The following LINGO2 variants were observed in gnomAD, a reference collection of about 807,000 sequenced individuals.
LINGO2 encodes leucine-rich repeat and immunoglobulin-like domain-containing nogo receptor-interacting protein 2.
In LINGO2, 14 loss-of-function variants were observed where a neutral mutation model predicts 30.6. The ratio of observed to expected loss-of-function variants is 0.46; its 90% CI spans 0.30 to 0.72. The LOEUF (loss-of-function observed/expected upper bound fraction) is 0.72. Ranked by LOEUF, LINGO2 falls within the 30% of genes least tolerant of loss-of-function variation. LINGO2 has a pLI of 0.07. For synonymous variants in LINGO2, 317 were observed against 288.5 expected, an observed-to-expected ratio of 1.10 and a Z score of -1.00; for missense variants, 729 against 751.7, an observed-to-expected ratio of 0.97 and a Z score of 0.35.
chr9:28,795,102 G>A, the LINGO2 span, among the ~76,000 whole-genome samples: 4 of 152,198 alleles, frequency 2.6e-5, no homozygotes, highest in Admixed American at 6.5e-5. Context: ...CCATAGTGCT[G>A]GGATTACAGG....
chr9:28,166,184 A>T (rs1471673241), intron 4 of LINGO2, among the ~76,000 whole-genome samples: 1 of 152,236 alleles, frequency 6.6e-6, no homozygotes, highest in Non-Finnish European at 1.5e-5. Context: ...AGAAACAAAC[A>T]AACTAACCAA....
At chr9:28,901,881 T>A in the LINGO2 span, among the ~76,000 whole-genome samples, 1 of 152,002 alleles carries the variant, frequency 6.6e-6, no homozygotes, top group Admixed American at 6.6e-5. Flanking sequence ...ATAAATGGAT[T>A]AAATTCTTCA....
chr9:27,971,190 C>T (rs1157473139), intron 5 of LINGO2, among the ~76,000 whole-genome samples: 3 of 147,520 alleles, frequency 2.0e-5, no homozygotes, highest in Admixed American at 6.8e-5. Context: ...ATCTTTTTTC[C>T]CTCCTATTCC....
intron 4 of LINGO2, among the ~76,000 whole-genome samples, chr9:28,275,451 T>A (rs115111685): frequency 6.6e-4 from 100 of 152,270 alleles, no homozygotes; most frequent in African/African-American, 2.3e-3. Flanking sequence ...CCCAGCCTCA[T>A]CAGTCTTCAA....
At chr9:29,179,155 GTAAATATATATATATA>G in the LINGO2 span, among the ~76,000 whole-genome samples, 2 of 70,648 alleles carry the variant, frequency 2.8e-5, no homozygotes, top group African/African-American at 6.1e-5. Flanking sequence ...CCTTCTTACT[GTAAATATATATATATA>G]TATATATATA....
intron 4 of LINGO2, among the ~76,000 whole-genome samples, chr9:28,085,317 C>T (rs565188292): frequency 1.3e-5 from 2 of 152,082 alleles, no homozygotes; most frequent in African/African-American, 4.8e-5. Flanking sequence ...AAGAGGGGCC[C>T]TTCCACCTGA....
At chr9:28,526,826 T>A (rs1265179027) in intron 1 of LINGO2, among the ~76,000 whole-genome samples, 4 of 152,186 alleles carry the variant, frequency 2.6e-5, no homozygotes, top group Non-Finnish European at 5.9e-5. Flanking sequence ...AGATTTTCCT[T>A]TCCTTATTAC....
chr9:28,173,898 T>C (rs959783949), intron 4 of LINGO2, among the ~76,000 whole-genome samples: 11 of 152,172 alleles, frequency 7.2e-5, no homozygotes, highest in African/African-American at 2.4e-4. Context: ...CTGGACACAA[T>C]ATTAGGAGTA....
the LINGO2 span, among the ~76,000 whole-genome samples, chr9:28,753,236 A>G: frequency 6.6e-6 from 1 of 152,060 alleles, no homozygotes; most frequent in African/African-American, 2.4e-5. Flanking sequence ...TCCTTGATCT[A>G]GAGCTGCAGT....
intron 5 of LINGO2, among the ~76,000 whole-genome samples, chr9:27,986,646 T>C (rs1821137815): frequency 6.6e-6 from 1 of 151,780 alleles, no homozygotes; most frequent in Non-Finnish European, 1.5e-5. Flanking sequence ...TGAGGGAAGG[T>C]AGGTGCAAAC....
chr9:29,045,579 T>A, the LINGO2 span, among the ~76,000 whole-genome samples: 4 of 144,656 alleles, frequency 2.8e-5, no homozygotes, highest in Admixed American at 2.1e-4. Context: ...CATCCCTTCA[T>A]GATTAAAAAA....
Position 28,147,598 on chromosome 9 carries a change from C to T in LINGO2, c.-86-135193G>A, listed in dbSNP as rs1417483766. On this transcript the variant is annotated intron_variant, in intron 4 of 5. Coordinates refer to ENST00000379992, the Ensembl canonical transcript of LINGO2. This position sits in a 1 kb window ranked among gnomAD's most constrained non-coding sequence, Gnocchi z 4.7. ...TGGCCCTGTAACCCGGGGGACAGGGCCGGCCAAGACAGGGCCACTGGGTGC... is the reference window on the plus strand; with the variant it reads ...TGGCCCTGTAACCCGGGGGACAGGGTCGGCCAAGACAGGGCCACTGGGTGC... Among the ~76,000 whole-genome samples the T allele has an allele frequency of 1.3e-5, 2 of 152,100 alleles. No individual in the cohort carries two copies. Among genetic ancestry groups the T allele is most frequent in the Non-Finnish European group, 2.9e-5 (2 of 68,008 alleles).
the LINGO2 span, among the ~76,000 whole-genome samples, chr9:28,807,496 G>C: frequency 1.3e-5 from 2 of 152,044 alleles, no homozygotes; most frequent in Non-Finnish European, 2.9e-5. Flanking sequence ...AAGCCTCTTG[G>C]AGAGCATCTG....
At chr9:28,553,746 G>A (rs1822457883) in intron 1 of LINGO2, among the ~76,000 whole-genome samples, 1 of 152,030 alleles carries the variant, frequency 6.6e-6, no homozygotes, top group Middle Eastern at 3.4e-3. Flanking sequence ...GGCAGCCAGA[G>A]AGAAAGGTCG....
chr9:28,557,897 C>G (rs1016287609), intron 1 of LINGO2, among the ~76,000 whole-genome samples: 1 of 148,724 alleles, frequency 6.7e-6, no homozygotes, highest in Non-Finnish European at 1.5e-5. Flanking sequence ...ATCGCAAGGA[C>G]AAAAAACCAA....
intron 1 of LINGO2, among the ~76,000 whole-genome samples, chr9:28,493,761 C>G (rs1395277593): frequency 6.6e-6 from 1 of 152,276 alleles, no homozygotes; most frequent in South Asian, 2.1e-4. Context: ...CACACTTAAT[C>G]TGAGTGGGTA....
At chr9:28,857,425 A>G in the LINGO2 span, among the ~76,000 whole-genome samples, 1 of 152,066 alleles carries the variant, frequency 6.6e-6, no homozygotes, top group African/African-American at 2.4e-5. Flanking sequence ...TTATTTTTCC[A>G]TACTGGGGCA....
At chr9:29,106,495 GTGT>G in the LINGO2 span, among the ~76,000 whole-genome samples, 44 of 152,088 alleles carry the variant, frequency 2.9e-4, no homozygotes, top group African/African-American at 1.0e-3. Context: ...TAAATCGAAG[GTGT>G]TGTTATAAAC....
chr9:28,437,792 A>G (rs1209079987), intron 2 of LINGO2, among the ~76,000 whole-genome samples: 3 of 152,070 alleles, frequency 2.0e-5, no homozygotes, highest in Non-Finnish European at 2.9e-5. Flanking sequence ...AGGACAAACA[A>G]CATATATTTG....
Sources: gnomAD v4.1 joint callset for allele counts (sites outside exome capture counted in the v4.1 genomes callset) on GRCh38, gnomAD v4.1.1 for gene constraint, Gnocchi (gnomAD v3.1) non-coding constraint, MANE v1.5 for transcripts, NCBI Gene and HGNC (gene_info 2026-07-23, HGNC 2026-07-21) for gene names.